Variants in CACNA1H observed in about 807,000 individuals in gnomAD.
The protein encoded by CACNA1H is voltage-dependent T-type calcium channel subunit alpha-1H.
Under a neutral mutation model 192.5 loss-of-function variants are expected in CACNA1H, and 149 were observed. That is an observed-to-expected ratio of 0.77 (90% CI 0.68 to 0.89). The LOEUF (loss-of-function observed/expected upper bound fraction) is 0.89. Among genes scored for constraint, CACNA1H ranks in the 40% least tolerant of loss-of-function variants. The pLI is 0.00. For missense variants in CACNA1H, 4,257 were observed against 3,423.5 expected (o/e 1.24, Z -6.08); for synonymous variants, 2,202 against 1,475.2 (o/e 1.49, Z -11.29).
intron 2 of CACNA1H, among the ~76,000 whole-genome samples, chr16:1,183,350 G>A (rs571225244): frequency 3.3e-5 from 5 of 152,198 alleles, no homozygotes; most frequent in Non-Finnish European, 5.9e-5. Context: ...GGCTTCTCCC[G>A]AGGAAGGAGA....
chr16:1,167,783 C>T lies in CACNA1H; in HGVS notation c.299+13747C>T, dbSNP rs1477936529. On this transcript the variant is annotated intron_variant, in intron 2 of 34. Transcript: ENST00000348261. The surrounding 1 kb of genome is among the most constrained non-coding windows in gnomAD (Gnocchi z 4.2). Reference sequence around the variant, plus strand: ...ACACACCCAGACACGGGAAACGGGACACCTGGAGCTGTGGCGCTGGTGTGT... The same window carrying T: ...ACACACCCAGACACGGGAAACGGGATACCTGGAGCTGTGGCGCTGGTGTGT... Among the ~76,000 whole-genome samples, 1 of 152,200 alleles carries T rather than the reference C, an allele frequency of 6.6e-6. No homozygotes were observed. The highest frequency in any genetic ancestry group is 1.9e-4 in the East Asian group (1 of 5,188).
At chr16:1,176,332 C>T (rs1964887293) in intron 2 of CACNA1H, among the ~76,000 whole-genome samples, 1 of 152,230 alleles carries the variant, frequency 6.6e-6, no homozygotes, top group South Asian at 2.1e-4. Context: ...TCGGAGCTCC[C>T]CTGCCCATCC....
At chr16:1,166,497 C>G (rs761014587) in intron 2 of CACNA1H, among the ~76,000 whole-genome samples, 3 of 152,218 alleles carry the variant, frequency 2.0e-5, no homozygotes, top group African/African-American at 7.2e-5. Flanking sequence ...CACCACCTAA[C>G]TCGCCAATGA....
In CACNA1H at chr16:1,211,978, G is replaced by C; in HGVS notation, c.4599G>C (p.Leu1533=). 6.2e-7 allele frequency: 1 copy of C among 1,613,536 alleles called. No homozygotes were observed. Among genetic ancestry groups the C allele is most frequent in the Non-Finnish European group, 8.5e-7 (1 of 1,179,682 alleles). The change falls in exon 25 of 35, where the codon CTG becomes CTC. Residue 1533 remains leucine (L), a synonymous_variant. Transcript: ENST00000348261. ...AGAACCACAACCCCTGGATGCTGCT[G>C]TACTTCATCTCCTTCCTGCTCATCG... ...PVQNHNPWML[L]YFISFLLIVS... is the part of the protein sequence containing the mutation.
chr16:1,207,932 T>C, intron 15 of CACNA1H, 72 bp downstream of exon 15: 1 of 1,541,694 alleles, frequency 6.5e-7, no homozygotes, highest in East Asian at 2.4e-5. Flanking sequence ...AGGGCCCCCA[T>C]AAGGCAATCC....
At position 1,178,884 on chromosome 16, in the gene CACNA1H, C is replaced by T. The variant is rs117138774; in HGVS notation, c.300-16088C>T. Among the ~76,000 whole-genome samples, 31 of 152,318 alleles carry T rather than the reference C, an allele frequency of 2.0e-4. No individual in the cohort carries two copies. In the East Asian group the frequency reaches 5.8e-3, roughly 28 times the overall value. ...AGGAAGGACCGAACGGTGGCATCTC[C>T]CCAGCAGGGTGGCCCCGCGCCCTTG... On this transcript the variant is annotated intron_variant, in intron 2 of 34. Transcript: ENST00000348261.
At position 1,210,449 on chromosome 16, in the gene CACNA1H, G is replaced by A. The variant is rs201352768; in HGVS notation, c.3925G>A (p.Val1309Ile). Residue 1309 changes from valine to isoleucine, a missense_variant, in exon 19 of 35, where the codon GTC (valine) becomes ATC (isoleucine). Val to Ile is a conservative substitution (Grantham distance 29, BLOSUM62 3). Transcript: ENST00000348261. ...CCTCGTCTTCATCTTCCTCAACTGC[G>A]TCACCATCGCCCTGGAGAGGCCTGA... ...VVLVFIFLNCVTIALERPDID... is the reference protein window; with the variant it reads ...VVLVFIFLNCITIALERPDID... 5.5e-4 allele frequency: 885 copies of A among 1,611,380 alleles called. No homozygotes were observed. The highest frequency in any genetic ancestry group is 6.8e-4 in the Non-Finnish European group (802 of 1,179,572).
chr16:1,207,604 C>T (rs531892303), intron 14 of CACNA1H, among the ~76,000 whole-genome samples, 166 bp from the exon 15 acceptor site: 18 of 152,020 alleles, frequency 1.2e-4, no homozygotes, highest in Admixed American at 2.0e-4. Flanking sequence ...AGGGGTCGGT[C>T]GGGAGAGGCA....
intron 2 of CACNA1H, among the ~76,000 whole-genome samples, chr16:1,175,530 C>A (rs1487744559): frequency 6.6e-6 from 1 of 152,164 alleles, no homozygotes; most frequent in Non-Finnish European, 1.5e-5. Flanking sequence ...CTCCTAAGCA[C>A]CACCCACTCT....
intron 2 of CACNA1H, among the ~76,000 whole-genome samples, chr16:1,179,474 C>T (rs1214607535): frequency 2.0e-5 from 3 of 152,050 alleles, no homozygotes; most frequent in African/African-American, 7.2e-5. Context: ...GTGTGTGTGT[C>T]GTTGTTGTTG....
chr16:1,171,493 G>A (rs1258049844), intron 2 of CACNA1H, among the ~76,000 whole-genome samples: 4 of 152,230 alleles, frequency 2.6e-5, no homozygotes, highest in Non-Finnish European at 5.9e-5. Flanking sequence ...CCCGCGGGAA[G>A]CTTCTGGAAA....
intron 2 of CACNA1H, among the ~76,000 whole-genome samples, chr16:1,155,059 C>T (rs906201343): frequency 6.6e-6 from 1 of 152,290 alleles, no homozygotes; most frequent in East Asian, 1.9e-4. Flanking sequence ...GCAGCAGGAG[C>T]GGCCTGTGTA....
In CACNA1H at chr16:1,200,935, G is replaced by A; in HGVS notation, c.1212+127G>A. 5.4e-6 allele frequency: 4 copies of A among 737,344 alleles called. No homozygotes were observed. In the Admixed American group the frequency reaches 6.3e-5, roughly 12 times the overall value. The allele number at this position is 737,344 out of a possible 1,614,324, so 45.7% of individuals were successfully genotyped here. ...CAGCTGAAGGGAGCACACAGGGGAG[G>A]GAGGCAGAGCTTGCGGGGGTGGGGA... On this transcript the variant is annotated intron_variant, in intron 8 of 34. Transcript: ENST00000348261.
Position 1,185,543 on chromosome 16 carries a change from A to G in CACNA1H, c.300-9429A>G, listed in dbSNP as rs186728140. On this transcript the variant is annotated intron_variant, in intron 2 of 34. Coordinates refer to ENST00000348261, the MANE Select transcript of CACNA1H (RefSeq NM_021098.3). ...TCTGCTTTTCTGGGGAACCCTGGAG[A>G]TGCTCAGAAAGCCTAGTGGGGCACG... 5.1e-3 allele frequency among the ~76,000 whole-genome samples: 458 copies of G among 90,508 alleles called. 13 individuals carry two copies. Among genetic ancestry groups the G allele is most frequent in the Non-Finnish European group, 7.9e-3 (324 of 40,882 alleles). 59.4% of individuals were successfully genotyped at this position (90,508 alleles called of 152,430 possible).
intron 2 of CACNA1H, among the ~76,000 whole-genome samples, chr16:1,185,051 C>T (rs1965847571): frequency 1.3e-5 from 2 of 152,230 alleles, no homozygotes; most frequent in South Asian, 2.1e-4. Flanking sequence ...CTGCCCAGCC[C>T]TGGTGGTCTC....
At chr16:1,203,595 G>C (rs764978398) in intron 9 of CACNA1H, among the ~76,000 whole-genome samples, 1 of 152,160 alleles carries the variant, frequency 6.6e-6, no homozygotes, top group Non-Finnish European at 1.5e-5. Flanking sequence ...AAATCACTCA[G>C]CTCTGGAGGC....
intron 2 of CACNA1H, among the ~76,000 whole-genome samples, chr16:1,189,181 C>T (rs1966358954): frequency 6.6e-6 from 1 of 151,614 alleles, no homozygotes; most frequent in Admixed American, 6.6e-5. Context: ...CTGTTCTCCT[C>T]CCGGAGACTG....
chr16:1,193,982 C>T (rs991280055), intron 2 of CACNA1H, among the ~76,000 whole-genome samples: 54 of 152,272 alleles, frequency 3.5e-4, no homozygotes, highest in Middle Eastern at 3.4e-3. Context: ...CCAGGACCTC[C>T]GCTGTAGTGA....
rs146123471 is a variant in CACNA1H at position 1,221,289 on chromosome 16, G to A, written c.*295G>A. On this transcript the variant is annotated 3_prime_UTR_variant, in exon 35 of 35. Coordinates refer to ENST00000348261, the MANE Select transcript of CACNA1H (RefSeq NM_021098.3). ...AGGAGAGAAGCCGCGTCTGTGGGAC[G>A]AAGACCGGGCACCCGCCAGAGAGGG... 1.1e-3 allele frequency: 463 copies of A among 425,936 alleles called. 1 individual carries two copies. Among genetic ancestry groups the A allele is most frequent in the African/African-American group, 7.4e-3 (367 of 49,830 alleles). 26.4% of individuals were successfully genotyped at this position (425,936 alleles called of 1,614,324 possible).
Sources: allele counts gnomAD v4.1 joint callset (sites outside exome capture counted in the v4.1 genomes callset), GRCh38; gene constraint gnomAD v4.1.1; non-coding constraint Gnocchi (gnomAD v3.1); transcripts MANE v1.5; gene names NCBI Gene and HGNC (gene_info 2026-07-23, HGNC 2026-07-21).